The following PRKCE variants were observed in gnomAD, a reference collection of about 807,000 sequenced individuals.
PRKCE encodes protein kinase C epsilon, also known as protein kinase C epsilon type.
In PRKCE, 16 loss-of-function variants were observed where a neutral mutation model predicts 85.4. That is an observed-to-expected ratio of 0.19 (90% CI 0.13 to 0.28). The LOEUF is 0.28. PRKCE is among the 10% of genes least tolerant of loss of function. The pLI is 1.00. For synonymous variants in PRKCE, 388 were observed against 371.5 expected, an observed-to-expected ratio of 1.04 and a Z score of -0.51; for missense variants, 573 against 975.2, an observed-to-expected ratio of 0.59 and a Z score of 5.49.
intron 1 of PRKCE, among the ~76,000 whole-genome samples, chr2:45,727,041 C>T (rs1355002279): frequency 6.6e-6 from 1 of 152,108 alleles, no homozygotes; most frequent in Admixed American, 6.5e-5. Context: ...ATTAATAGAC[C>T]TGCCATTTGC....
At chr2:45,766,354 A>T (rs1222256255) in intron 1 of PRKCE, among the ~76,000 whole-genome samples, 1 of 152,232 alleles carries the variant, frequency 6.6e-6, no homozygotes, top group Admixed American at 6.5e-5. Context: ...CTGAAGGAAG[A>T]CTTCAGTGAG....
chr2:46,149,597 A>G (rs1574602630), intron 12 of PRKCE, among the ~76,000 whole-genome samples: 1 of 151,542 alleles, frequency 6.6e-6, no homozygotes, highest in Non-Finnish European at 1.5e-5. Context: ...TATTTTATTT[A>G]TATATGTTAT....
rs1335424489 is a variant in PRKCE at position 46,068,310 on chromosome 2, G to A, written c.1438-17898G>A. Among the ~76,000 whole-genome samples, 2 of 152,180 alleles carry A rather than the reference G, an allele frequency of 1.3e-5. No individual in the cohort carries two copies. Among genetic ancestry groups the A allele is most frequent in the Non-Finnish European group, 2.9e-5 (2 of 68,026 alleles). ...AAAGAGACTTCAGGAGCTGCCCTGG[G>A]AAACAAGACAATAAAACAGTGTTGA... On this transcript the variant is annotated intron_variant, in intron 10 of 14. Transcript: ENST00000306156. The surrounding 1 kb of genome is among the most constrained non-coding windows in gnomAD (Gnocchi z 4.3).
At chr2:46,024,244 C>A (rs1706917799) in intron 10 of PRKCE, among the ~76,000 whole-genome samples, 1 of 151,766 alleles carries the variant, frequency 6.6e-6, no homozygotes, top group Admixed American at 6.6e-5. Flanking sequence ...TCCAGGCAAT[C>A]TGAGTTGTAT....
chr2:46,174,307 T>G (rs900169227), intron 14 of PRKCE, among the ~76,000 whole-genome samples: 10 of 152,236 alleles, frequency 6.6e-5, no homozygotes, highest in South Asian at 2.1e-4. Context: ...CCATCGTGCT[T>G]AAAAAGCAAG....
chr2:45,657,103 G>A (rs1675414289), intron 1 of PRKCE, among the ~76,000 whole-genome samples: 1 of 152,144 alleles, frequency 6.6e-6, no homozygotes, highest in Admixed American at 6.5e-5. Context: ...CTCTATCATT[G>A]CTTCAGTAGT....
chr2:45,750,882 C>G (rs1297999812), intron 1 of PRKCE, among the ~76,000 whole-genome samples: 1 of 152,192 alleles, frequency 6.6e-6, no homozygotes, highest in Admixed American at 6.5e-5. Context: ...CTTCAGTGGT[C>G]TTTCTCCTTC....
intron 10 of PRKCE, among the ~76,000 whole-genome samples, chr2:46,077,774 C>T (rs1668688403): frequency 6.6e-6 from 1 of 151,918 alleles, no homozygotes; most frequent in Non-Finnish European, 1.5e-5. Flanking sequence ...AGGCAAGTCC[C>T]CAGTAAGAAA....
rs546890165 is a variant in PRKCE, at chr2:45,707,726, C to T, written c.348+55278C>T. Among the ~76,000 whole-genome samples, 91 of 152,280 alleles carry T rather than the reference C, an allele frequency of 6.0e-4. 1 individual carries two copies. Among genetic ancestry groups the T allele is most frequent in the Admixed American group, 4.3e-3 (66 of 15,298 alleles). On this transcript the variant is annotated intron_variant, in intron 1 of 14. Coordinates refer to ENST00000306156, the MANE Select transcript of PRKCE (RefSeq NM_005400.3). ...TCTCATGTCTGTGGGACACACAGTT[C>T]GTGACGAATATGAAATAAAATGGAA...
In PRKCE at chr2:46,041,382, A is replaced by G. The variant is rs763971071; in HGVS notation, c.1437+30865A>G. ...TTTCTTAAGTCATGTATATTTATAGAGCCACATACACCTGTTAGACACACA... is the reference window on the plus strand; with the variant it reads ...TTTCTTAAGTCATGTATATTTATAGGGCCACATACACCTGTTAGACACACA... On this transcript the variant is annotated intron_variant, in intron 10 of 14. Transcript: ENST00000306156. This position sits in a 1 kb window ranked among gnomAD's most constrained non-coding sequence, Gnocchi z 5.5. Among the ~76,000 whole-genome samples the G allele has an allele frequency of 1.3e-5, 2 of 152,252 alleles. No individual in the cohort carries two copies. The highest frequency in any genetic ancestry group is 2.9e-5 in the Non-Finnish European group (2 of 68,040).
intron 10 of PRKCE, among the ~76,000 whole-genome samples, chr2:46,061,300 G>C (rs1667098476): frequency 6.6e-6 from 1 of 151,648 alleles, no homozygotes. Context: ...TATAGAGATG[G>C]GGTTTTACCA....
At chr2:45,846,112 G>T (rs1291212641) in intron 2 of PRKCE, among the ~76,000 whole-genome samples, 1 of 152,062 alleles carries the variant, frequency 6.6e-6, no homozygotes, top group Non-Finnish European at 1.5e-5. Flanking sequence ...ATCACAGGGG[G>T]TTCTGGTAAG....
intron 1 of PRKCE, among the ~76,000 whole-genome samples, chr2:45,715,733 C>T (rs953018209): frequency 6.6e-6 from 1 of 152,130 alleles, no homozygotes; most frequent in Non-Finnish European, 1.5e-5. Context: ...TCTGAGAGCC[C>T]TCTGTCTTCT....
At chr2:46,039,441 G>A (rs1213581014) in intron 10 of PRKCE, among the ~76,000 whole-genome samples, 2 of 152,000 alleles carry the variant, frequency 1.3e-5, no homozygotes, top group South Asian at 4.2e-4. Context: ...AAACATTATT[G>A]CTCAATGAGC....
At chr2:45,767,371 G>T (rs1684994919) in intron 1 of PRKCE, among the ~76,000 whole-genome samples, 1 of 152,288 alleles carries the variant, frequency 6.6e-6, no homozygotes, top group African/African-American at 2.4e-5. Flanking sequence ...TCAGAATTTG[G>T]AAGAATGTTT....
At chr2:45,755,899 G>A (rs981984347) in intron 1 of PRKCE, among the ~76,000 whole-genome samples, 1 of 152,192 alleles carries the variant, frequency 6.6e-6, no homozygotes, top group Non-Finnish European at 1.5e-5. Flanking sequence ...AGCTGGAACT[G>A]GTTGGCACTC....
chr2:46,072,038 C>T (rs963322638), intron 10 of PRKCE, among the ~76,000 whole-genome samples: 3 of 152,204 alleles, frequency 2.0e-5, no homozygotes, highest in Admixed American at 6.5e-5. Flanking sequence ...ACAGAAGACC[C>T]CGCGCTATTA....
At chr2:45,904,242 A>G (rs1218767999) in intron 2 of PRKCE, among the ~76,000 whole-genome samples, 1 of 152,200 alleles carries the variant, frequency 6.6e-6, no homozygotes, top group Non-Finnish European at 1.5e-5. Context: ...TCTCTTAAAA[A>G]TGCAAACAAA....
chr2:45,702,352 C>T (rs1414481605), intron 1 of PRKCE, among the ~76,000 whole-genome samples: 1 of 152,152 alleles, frequency 6.6e-6, no homozygotes, highest in African/African-American at 2.4e-5. Context: ...CTTGGGCAAG[C>T]TATTAGCCTT....
Sources: allele counts gnomAD v4.1 joint callset (sites outside exome capture counted in the v4.1 genomes callset), GRCh38; gene constraint gnomAD v4.1.1; non-coding constraint Gnocchi (gnomAD v3.1); transcripts MANE v1.5; gene names NCBI Gene and HGNC (gene_info 2026-07-23, HGNC 2026-07-21).